The following PRMT9 variants were observed in gnomAD, a reference collection of about 807,000 sequenced individuals.
PRMT9 encodes protein arginine N-methyltransferase 9.
Under a neutral mutation model 83.2 loss-of-function variants are expected in PRMT9, and 59 were observed. That is an observed-to-expected ratio of 0.71 (90% confidence interval 0.57 to 0.88). The LOEUF is 0.88. Among genes scored for constraint, PRMT9 ranks in the 40% least tolerant of loss-of-function variants. The probability of loss-of-function intolerance (pLI) is 0.00; values close to 1 mark genes in which losing one functional copy is unlikely to be tolerated. For missense variants in PRMT9, 947 were observed against 1,021.9 expected (o/e 0.93, Z 1.00); for synonymous variants, 333 against 353.2 (o/e 0.94, Z 0.64).
intron 8 of PRMT9, among the ~76,000 whole-genome samples, chr4:147,655,036 T>C (rs921842102): frequency 1.3e-5 from 2 of 152,228 alleles, no homozygotes; most frequent in African/African-American, 2.4e-5. Flanking sequence ...AACAGAATCG[T>C]ATCAGTTATA....
intron 6 of PRMT9, among the ~76,000 whole-genome samples, chr4:147,664,338 CA>C (rs1173014251): frequency 2.0e-5 from 3 of 152,140 alleles, no homozygotes; most frequent in African/African-American, 7.2e-5. Context: ...CAATACAGGT[CA>C]TAGTTTCAAT....
intron 8 of PRMT9, among the ~76,000 whole-genome samples, chr4:147,655,044 A>G (rs1030914588): frequency 6.6e-5 from 10 of 152,234 alleles, no homozygotes; most frequent in Non-Finnish European, 8.8e-5. Flanking sequence ...CGTATCAGTT[A>G]TATTTGTTAA....
Position 147,657,846 on chromosome 4 carries a change from G to A in PRMT9, c.1276C>T (p.Pro426Ser). The A allele has an allele frequency of 6.2e-7, 1 of 1,610,882 alleles. No homozygotes were observed. The highest frequency in any genetic ancestry group is 8.5e-7 in the Non-Finnish European group (1 of 1,179,538). The part of the protein sequence containing the change: ...LDDEHSLSTS[P>S]SEETCWEQAV... ...TGTTCCCAACATGTTTCCTCACTAG[G>A]ACTTGTGGATAAACTATGTTCATCA... Residue 426 changes from proline to serine, a missense_variant, in exon 8 of 12, where the codon CCT becomes TCT. Coordinates refer to ENST00000322396, the MANE Select transcript of PRMT9 (RefSeq NM_138364.4).
chr4:147,678,101 G>A (rs752823541), intron 2 of PRMT9, among the ~76,000 whole-genome samples: 8 of 152,166 alleles, frequency 5.3e-5, no homozygotes, highest in Non-Finnish European at 7.3e-5. Context: ...AGTGAGCCAC[G>A]CAAGGGCCCC....
At chr4:147,656,049 C>T (rs1034991261) in intron 8 of PRMT9, among the ~76,000 whole-genome samples, 3 of 152,012 alleles carry the variant, frequency 2.0e-5, no homozygotes, top group Non-Finnish European at 4.4e-5. Context: ...GGTATCATCC[C>T]GTTTTTATAT....
chr4:147,661,259 ACT>A, intron 6 of PRMT9: 5 of 332,218 alleles, frequency 1.5e-5, no homozygotes, highest in East Asian at 4.0e-5. Flanking sequence ...ATGTCTGCTC[ACT>A]AAAAAAAAAA....
intron 1 of PRMT9, 68 bp downstream of exon 1, chr4:147,683,731 T>TTA: frequency 2.3e-6 from 3 of 1,280,162 alleles, no homozygotes; most frequent in Non-Finnish European, 3.3e-6. Flanking sequence ...TTTTTTTTTT[T>TTA]TCTGTTTTTT....
At chr4:147,675,039 G>A (rs1378520716) in intron 2 of PRMT9, among the ~76,000 whole-genome samples, 1 of 152,032 alleles carries the variant, frequency 6.6e-6, no homozygotes, top group Non-Finnish European at 1.5e-5. Flanking sequence ...GGAGTGCAAT[G>A]GCACGATCTC....
At chr4:147,669,028 G>A (rs1735556102) in intron 5 of PRMT9, among the ~76,000 whole-genome samples, 1 of 152,100 alleles carries the variant, frequency 6.6e-6, no homozygotes. Context: ...AGAGGCTGCA[G>A]TGAGCCGAGA....
chr4:147,657,113 T>C (rs1400101966), intron 8 of PRMT9, among the ~76,000 whole-genome samples: 1 of 152,158 alleles, frequency 6.6e-6, no homozygotes, highest in Non-Finnish European at 1.5e-5. Context: ...ATTTTTATGA[T>C]GCAGGGCTCC....
chr4:147,654,496 C>T lies in PRMT9; in HGVS notation c.1401G>A (p.Gln467=). The change falls in exon 9 of 12, where the codon CAG becomes CAA. Residue 467 remains glutamine (Q), a synonymous_variant. Transcript: ENST00000322396. ...VSCQDCYLRI[Q]SISVLGLECE... Reference sequence around the variant, plus strand: ...ATTCCAAACCCAAGACACTAATACTCTGGATTCTTAAGTAACAGTCTTGAC... The same window carrying T: ...ATTCCAAACCCAAGACACTAATACTTTGGATTCTTAAGTAACAGTCTTGAC... The T allele has an allele frequency of 1.9e-6, 3 of 1,613,954 alleles. No homozygotes were observed. The highest frequency in any genetic ancestry group is 2.5e-6 in the Non-Finnish European group (3 of 1,179,978).
At chr4:147,656,022 A>T (rs1734463788) in intron 8 of PRMT9, among the ~76,000 whole-genome samples, 1 of 152,222 alleles carries the variant, frequency 6.6e-6, no homozygotes. Context: ...TCCCTATAAC[A>T]GTGCTGCAAG....
intron 11 of PRMT9, 67 bp from the exon 12 acceptor site, chr4:147,638,814 A>G: frequency 7.2e-7 from 1 of 1,395,464 alleles, no homozygotes. Flanking sequence ...GTCTCTTTTT[A>G]GTTACTTTTA....
intron 10 of PRMT9, among the ~76,000 whole-genome samples, chr4:147,641,444 T>A (rs1404669496): frequency 6.6e-6 from 1 of 152,168 alleles, no homozygotes; most frequent in Non-Finnish European, 1.5e-5. Flanking sequence ...CAGGCCTCTG[T>A]TTATCACTTA....
rs1280260624 is a variant in PRMT9 at position 147,661,759 on chromosome 4, C to CAGCCTGG, written c.954-728_954-722dup. Among the ~76,000 whole-genome samples, 238 of 131,808 alleles carry CAGCCTGG rather than the reference C, an allele frequency of 1.8e-3. 3 individuals carry two copies. The highest frequency in any genetic ancestry group is 6.8e-4 in the Non-Finnish European group (44 of 65,108). The allele number at this position is 131,808 out of a possible 152,430, so 86.5% of individuals were successfully genotyped here. ...GAGCCGAGATCACGCCACTGCACTC[C>CAGCCTGG]AGCCTGGGCAACAGAGCGAGACTCC... On this transcript the variant is annotated intron_variant, in intron 6 of 11. Coordinates refer to ENST00000322396, the MANE Select transcript of PRMT9 (RefSeq NM_138364.4).
At chr4:147,676,847 C>T (rs1478444669) in intron 2 of PRMT9, among the ~76,000 whole-genome samples, 1 of 152,020 alleles carries the variant, frequency 6.6e-6, no homozygotes, top group Non-Finnish European at 1.5e-5. Flanking sequence ...AGGTCGAGAC[C>T]AGCCTGGGCA....
At chr4:147,676,984 C>T (rs1736130185) in intron 2 of PRMT9, among the ~76,000 whole-genome samples, 1 of 145,038 alleles carries the variant, frequency 6.9e-6, no homozygotes. Context: ...GCGGAGGTTG[C>T]AGTGAGCTGA....
At chr4:147,681,880 AG>A (rs1324052850) in intron 1 of PRMT9, among the ~76,000 whole-genome samples, 2 of 152,148 alleles carry the variant, frequency 1.3e-5, no homozygotes, top group African/African-American at 4.8e-5. Flanking sequence ...TGGGGAATAG[AG>A]TAGCAGGCAA....
At chr4:147,661,098 A>AT (rs1442842736) in intron 6 of PRMT9, 60 bp from the exon 7 acceptor site, 3 of 1,067,460 alleles carry the variant, frequency 2.8e-6, no homozygotes, top group Non-Finnish European at 4.4e-6. Context: ...ATCAAGTAAC[A>AT]TATCTAATAC....
Sources: gnomAD v4.1 joint callset for allele counts (sites outside exome capture counted in the v4.1 genomes callset) on GRCh38, gnomAD v4.1.1 for gene constraint, MANE v1.5 for transcripts, NCBI Gene and HGNC (gene_info 2026-07-23, HGNC 2026-07-21) for gene names.